ATRNL1: variants seen among roughly 807,000 people sequenced by gnomAD.
ATRNL1 encodes the protein attractin like 1, also known as attractin-like protein 1.
A neutral mutation model predicts 182.7 loss-of-function variants in ATRNL1; 95 were observed. The observed-to-expected ratio is 0.52, with a 90% CI of 0.44 to 0.62. ATRNL1 has a LOEUF of 0.62. ATRNL1 is among the 20% of genes least tolerant of loss of function. The probability of loss-of-function intolerance (pLI) is 0.00; values close to 1 mark genes in which losing one functional copy is unlikely to be tolerated. For missense variants in ATRNL1, 1,471 were observed against 1,679.5 expected, an observed-to-expected ratio of 0.88 and a Z score of 2.17; for synonymous variants, 576 against 568.3, an observed-to-expected ratio of 1.01 and a Z score of -0.19.
intron 20 of ATRNL1, among the ~76,000 whole-genome samples, chr10:115,413,510 C>G (rs895598034): frequency 6.6e-6 from 1 of 152,024 alleles, no homozygotes; most frequent in African/African-American, 2.4e-5. Flanking sequence ...CTTTCTTGTC[C>G]CATTTATTTA....
intron 5 of ATRNL1, among the ~76,000 whole-genome samples, chr10:115,145,452 C>T (rs1845932616): frequency 6.6e-6 from 1 of 152,044 alleles, no homozygotes; most frequent in African/African-American, 2.4e-5. Flanking sequence ...ATTCTTGGAA[C>T]AGATCTAGTA....
chr10:115,805,018 C>T (rs781857155), intron 27 of ATRNL1, among the ~76,000 whole-genome samples: 6 of 152,074 alleles, frequency 3.9e-5, no homozygotes, highest in Non-Finnish European at 8.8e-5. Flanking sequence ...GGGTGAAGAT[C>T]GAGTTCAGCA....
chr10:115,737,269 TCC>T (rs11326417), intron 27 of ATRNL1, among the ~76,000 whole-genome samples: 96 of 140,632 alleles, frequency 6.8e-4, no homozygotes, highest in Middle Eastern at 7.1e-3. Context: ...CTACAAAACA[TCC>T]CCCCCCCCCA....
chr10:115,467,360 G>T, intron 23 of ATRNL1, 108 bp downstream of exon 23: 2 of 696,690 alleles, frequency 2.9e-6, no homozygotes, highest in Non-Finnish European at 2.3e-6. Flanking sequence ...AATGTTATAT[G>T]ACAGGATTAT....
chr10:115,901,554 A>G (rs529146476), intron 28 of ATRNL1, among the ~76,000 whole-genome samples: 4 of 151,968 alleles, frequency 2.6e-5, no homozygotes, highest in Non-Finnish European at 4.4e-5. Flanking sequence ...GTTGCACTTA[A>G]TATGGTGCCC....
At chr10:115,241,158 G>A (rs1554902757) in intron 9 of ATRNL1, among the ~76,000 whole-genome samples, 1 of 151,962 alleles carries the variant, frequency 6.6e-6, no homozygotes, top group African/African-American at 2.4e-5. Flanking sequence ...TTATTATGGA[G>A]TCCATATGAG....
At chr10:115,737,718 C>A (rs1345716280) in intron 27 of ATRNL1, among the ~76,000 whole-genome samples, 2 of 152,116 alleles carry the variant, frequency 1.3e-5, no homozygotes, top group Non-Finnish European at 2.9e-5. Context: ...TTCCTACAGA[C>A]CTTTTGGTAC....
chr10:115,687,864 G>A (rs7900516), intron 26 of ATRNL1, among the ~76,000 whole-genome samples: 5 of 151,566 alleles, frequency 3.3e-5, no homozygotes, highest in Admixed American at 6.6e-5. Context: ...ATATTATTGA[G>A]AAGTATAGTC....
rs560844982 is a variant in ATRNL1, at chr10:115,733,308, A to G, written c.3903+5953A>G. Among the ~76,000 whole-genome samples, 15 of 152,296 alleles carry G rather than the reference A, an allele frequency of 9.8e-5. 1 individual carries two copies. In the South Asian group the frequency reaches 3.1e-3, roughly 32 times the overall value. On this transcript the variant is annotated intron_variant, in intron 27 of 28. Transcript: ENST00000355044. The stretch of plus-strand genomic sequence containing the variant: ...TGTAATGTTTTGATTCTCTCCACCT[A>G]TAAAGAAAATTATAGCTTTCGAGTA...
At chr10:115,139,878 C>T (rs1450793634) in intron 5 of ATRNL1, among the ~76,000 whole-genome samples, 2 of 152,146 alleles carry the variant, frequency 1.3e-5, no homozygotes, top group African/African-American at 2.4e-5. Flanking sequence ...TCAACCTGTT[C>T]TCTGAATAAT....
intron 19 of ATRNL1, among the ~76,000 whole-genome samples, chr10:115,351,250 C>G (rs1554941225): frequency 6.6e-6 from 1 of 151,812 alleles, no homozygotes; most frequent in African/African-American, 2.4e-5. Flanking sequence ...TTTCTTTTGC[C>G]TAATTACTCT....
At chr10:115,597,979 A>G (rs1856359926) in intron 26 of ATRNL1, 1 of 162,108 alleles carries the variant, frequency 6.2e-6, no homozygotes, top group African/African-American at 2.4e-5. Flanking sequence ...AAAAATTTAA[A>G]AAGCTTCACA....
rs1351804688 is a variant in ATRNL1, at chr10:115,096,809, C to T, written c.293+2766C>T. The T allele has an allele frequency of 4.3e-6, 5 of 1,173,640 alleles. No homozygotes were observed. In the African/African-American group the frequency reaches 8.1e-5, roughly 19 times the overall value. The allele number at this position is 1,173,640 out of a possible 1,614,324, so 72.7% of individuals were successfully genotyped here. On this transcript the variant is annotated intron_variant, in intron 1 of 28. Transcript: ENST00000355044. ...TTCCATTTGAAAAGAATAAAGCACT[C>T]AGAATAACAAGCCATTCCTTCCTTA...
intron 26 of ATRNL1, among the ~76,000 whole-genome samples, chr10:115,631,833 A>G (rs782104918): frequency 1.1e-4 from 16 of 152,140 alleles, no homozygotes; most frequent in Non-Finnish European, 1.9e-4. Flanking sequence ...ACCATTTTCA[A>G]TGGTTTTCTA....
rs2134510079 is a variant in ATRNL1 at position 115,907,530 on chromosome 10, T to C, written c.4019-37128T>C. Among the ~76,000 whole-genome samples the C allele has an allele frequency of 1.3e-5, 2 of 152,302 alleles. 1 individual carries two copies. Among genetic ancestry groups the C allele is most frequent in the African/African-American group, 4.8e-5 (2 of 41,562 alleles). On this transcript the variant is annotated intron_variant, in intron 28 of 28. Transcript: ENST00000355044. ...GCAAAATTAAAATTAAGAAATCCCT[T>C]AATTTAATAGCTACAACATGTAATA... is the stretch of plus-strand genomic sequence containing the variant.
At chr10:115,575,126 T>C (rs1338783551) in intron 26 of ATRNL1, among the ~76,000 whole-genome samples, 2 of 152,140 alleles carry the variant, frequency 1.3e-5, no homozygotes, top group African/African-American at 4.8e-5. Context: ...TTATAAAATA[T>C]ATTATTTTAA....
chr10:115,218,205 A>T (rs1247596231), intron 9 of ATRNL1, among the ~76,000 whole-genome samples: 1 of 150,972 alleles, frequency 6.6e-6, no homozygotes, highest in Admixed American at 6.7e-5. Context: ...GTGATGGGAG[A>T]CAGTGACACC....
chr10:115,820,942 A>G (rs766652692), intron 27 of ATRNL1, among the ~76,000 whole-genome samples: 3 of 152,186 alleles, frequency 2.0e-5, no homozygotes, highest in Non-Finnish European at 4.4e-5. Context: ...GGTTTCCTCC[A>G]TGCTGTTCTG....
At chr10:115,697,156 A>G (rs1238428219) in intron 26 of ATRNL1, among the ~76,000 whole-genome samples, 1 of 152,034 alleles carries the variant, frequency 6.6e-6, no homozygotes, top group African/African-American at 2.4e-5. Flanking sequence ...TTCTCTGATG[A>G]TCAGTGATTT....
Sources: allele counts gnomAD v4.1 joint callset (sites outside exome capture counted in the v4.1 genomes callset), GRCh38; gene constraint gnomAD v4.1.1; transcripts MANE v1.5; gene names NCBI Gene and HGNC (gene_info 2026-07-23, HGNC 2026-07-21).